The following LCORL variants were observed in gnomAD, a reference collection of about 807,000 sequenced individuals.
The protein encoded by LCORL is ligand-dependent nuclear receptor corepressor-like protein.
Under a neutral mutation model 141.8 loss-of-function variants are expected in LCORL, and 41 were observed. The ratio of observed to expected loss-of-function variants is 0.29; its 90% CI spans 0.23 to 0.38. LCORL has a LOEUF of 0.38. LCORL is among the 10% of genes least tolerant of loss of function. The probability of loss-of-function intolerance (pLI) is 1.00; values close to 1 mark genes in which losing one functional copy is unlikely to be tolerated. For missense variants in LCORL, 1,759 were observed against 2,035.0 expected, an observed-to-expected ratio of 0.86 and a Z score of 2.61; for synonymous variants, 618 against 694.1, an observed-to-expected ratio of 0.89 and a Z score of 1.72.
intron 7 of LCORL, among the ~76,000 whole-genome samples, chr4:17,865,913 G>C (rs115759965): frequency 6.6e-6 from 1 of 152,252 alleles, no homozygotes; most frequent in South Asian, 2.1e-4. Context: ...TGCAACCAGG[G>C]AGATCTTCTA....
chr4:17,927,846 C>A (rs1013861583), intron 4 of LCORL, among the ~76,000 whole-genome samples: 1 of 152,174 alleles, frequency 6.6e-6, no homozygotes, highest in African/African-American at 2.4e-5. Context: ...AAATGTGACA[C>A]AGAGACATGA....
At chr4:17,951,353 G>A (rs1412048658) in intron 4 of LCORL, among the ~76,000 whole-genome samples, 2 of 152,120 alleles carry the variant, frequency 1.3e-5, no homozygotes, top group African/African-American at 2.4e-5. Context: ...GCTTTAAAAT[G>A]CTACAATTTT....
chr4:17,883,780 C>A (rs187741528), intron 6 of LCORL: 1 of 1,550,206 alleles, frequency 6.5e-7, no homozygotes, highest in African/African-American at 1.4e-5. Flanking sequence ...TATTATATAA[C>A]CCAGTGTCTG....
intron 1 of LCORL, among the ~76,000 whole-genome samples, chr4:17,982,289 A>C (rs985829154): frequency 2.8e-4 from 42 of 152,282 alleles, no homozygotes; most frequent in African/African-American, 9.6e-4. Context: ...TCTTTTGGGT[A>C]TACACCCAGT....
At chr4:17,981,362 T>C (rs1361646536) in intron 1 of LCORL, among the ~76,000 whole-genome samples, 5 of 152,202 alleles carry the variant, frequency 3.3e-5, no homozygotes, top group Non-Finnish European at 5.9e-5. Context: ...CCAAAAGTTA[T>C]CATCAGACTT....
chr4:17,933,123 T>A (rs547740713), intron 4 of LCORL, among the ~76,000 whole-genome samples: 10,652 of 152,224 alleles, frequency 0.07, 1,285 homozygotes, highest in African/African-American at 0.24. Flanking sequence ...AAAATTATCA[T>A]ACTTTTACCA....
intron 4 of LCORL, among the ~76,000 whole-genome samples, chr4:17,914,841 C>G (rs1290318309): frequency 6.6e-6 from 1 of 152,168 alleles, no homozygotes; most frequent in African/African-American, 2.4e-5. Context: ...TTAAAAAGAC[C>G]TGTGTGGCTG....
exon 8 of LCORL, chr4:17,843,000 G>T: frequency 5.4e-6 from 1 of 186,378 alleles, no homozygotes; most frequent in Non-Finnish European, 1.1e-5. Flanking sequence ...ATCTCTTTTG[G>T]ACAGTTATGG....
At chr4:17,843,449 T>G in exon 8 of LCORL, 2 of 1,607,592 alleles carry the variant, frequency 1.2e-6, no homozygotes, top group South Asian at 2.2e-5. Context: ...GGTGGAATCC[T>G]TTAAGATTAT....
chr4:17,950,299 C>T (rs1011968309), intron 4 of LCORL, among the ~76,000 whole-genome samples: 2 of 152,064 alleles, frequency 1.3e-5, no homozygotes, highest in Non-Finnish European at 2.9e-5. Flanking sequence ...TTAAACAAGG[C>T]ACTTCTGATA....
At chr4:17,920,686 T>C (rs1734148610) in intron 4 of LCORL, among the ~76,000 whole-genome samples, 1 of 152,246 alleles carries the variant, frequency 6.6e-6, no homozygotes, top group South Asian at 2.1e-4. Context: ...CAACTAAGTT[T>C]ATGCGATATT....
chr4:17,972,090 TATGCCAGTGAA>T (rs1560423660), intron 2 of LCORL, among the ~76,000 whole-genome samples: 1 of 151,832 alleles, frequency 6.6e-6, no homozygotes, highest in African/African-American at 2.4e-5. Flanking sequence ...TTTTGAAAAC[TATGCCAGTGAA>T]GAGACAAGTT....
intron 1 of LCORL, among the ~76,000 whole-genome samples, chr4:17,999,442 A>G (rs1218408574): frequency 2.0e-5 from 3 of 149,266 alleles, no homozygotes; most frequent in African/African-American, 7.4e-5. Flanking sequence ...AGACAGCAAG[A>G]CTCCGTCTCA....
intron 6 of LCORL, chr4:17,881,648 G>A: frequency 1.0e-6 from 1 of 966,286 alleles, no homozygotes. Flanking sequence ...TGATACAAAA[G>A]TGTTCTGTAA....
At chr4:17,997,205 G>T (rs968794083) in intron 1 of LCORL, among the ~76,000 whole-genome samples, 5 of 152,164 alleles carry the variant, frequency 3.3e-5, no homozygotes, top group African/African-American at 9.6e-5. Context: ...ATACGAACAA[G>T]TATGTACTGG....
exon 8 of LCORL, chr4:17,845,897 G>C (rs1220449894): frequency 6.2e-7 from 1 of 1,600,706 alleles, no homozygotes; most frequent in Non-Finnish European, 8.5e-7. Flanking sequence ...TTCACTTGTA[G>C]CATGCTGGAA....
In LCORL at chr4:18,021,166, G is replaced by A. The variant is rs909626621; in HGVS notation, c.154+432C>T. Among the ~76,000 whole-genome samples the A allele has an allele frequency of 2.0e-5, 3 of 151,972 alleles. No individual in the cohort carries two copies. The highest frequency in any genetic ancestry group is 4.4e-5 in the Non-Finnish European group (3 of 67,960). On this transcript the variant is annotated intron_variant, in intron 1 of 7. Coordinates refer to ENST00000635767, the Ensembl canonical transcript of LCORL. This position sits in a 1 kb window ranked among gnomAD's most constrained non-coding sequence, Gnocchi z 5.5. ...GGGGGTGTGTGTGCGCTCGGCGGGG[G>A]CGCGGACCAGCCCGCCTTCCTCCGG...
intron 7 of LCORL, 71 bp from the exon 8 acceptor site, chr4:17,845,972 C>T: frequency 7.7e-7 from 1 of 1,294,952 alleles, no homozygotes; most frequent in Non-Finnish European, 1.1e-6. Context: ...TGTAAAAGAA[C>T]ATTTAGTTGT....
chr4:17,978,277 G>T (rs1199033648), intron 1 of LCORL, among the ~76,000 whole-genome samples: 1 of 152,106 alleles, frequency 6.6e-6, no homozygotes, highest in Non-Finnish European at 1.5e-5. Flanking sequence ...TATTCAGGAA[G>T]GTAAGTTACT....
Sources: gnomAD v4.1 joint callset for allele counts (sites outside exome capture counted in the v4.1 genomes callset) on GRCh38, gnomAD v4.1.1 for gene constraint, Gnocchi (gnomAD v3.1) non-coding constraint, MANE v1.5 for transcripts, NCBI Gene and HGNC (gene_info 2026-07-23, HGNC 2026-07-21) for gene names.